The following VDAC1 variants were observed in gnomAD, a reference collection of about 807,000 sequenced individuals.
The protein encoded by VDAC1 is non-selective voltage-gated ion channel VDAC1.
A neutral mutation model predicts 34.7 loss-of-function variants in VDAC1; 10 were observed. The observed-to-expected ratio is 0.29, with a 90% CI of 0.18 to 0.49. The LOEUF is 0.49. Ranked by LOEUF, VDAC1 falls within the 20% of genes least tolerant of loss-of-function variation. The pLI, the probability that VDAC1 is intolerant of heterozygous loss-of-function variation, is 0.99. For synonymous variants in VDAC1, 130 were observed against 136.0 expected (o/e 0.96, Z 0.30); for missense variants, 230 against 347.9 (o/e 0.66, Z 2.69).
the VDAC1 span, among the ~76,000 whole-genome samples, chr5:134,027,963 G>T: frequency 5.9e-4 from 90 of 151,602 alleles, no homozygotes; most frequent in African/African-American, 1.9e-3. Flanking sequence ...TACAGACAGG[G>T]TTTCACCATG....
At chr5:133,972,885 G>A (rs1328668285) in intron 8 of VDAC1, 23 bp from the exon 9 acceptor site, 4 of 1,572,624 alleles carry the variant, frequency 2.5e-6, no homozygotes, top group East Asian at 4.5e-5. Context: ...AAATGAGGGA[G>A]AGGAAAGGAG....
the VDAC1 span, among the ~76,000 whole-genome samples, chr5:134,015,355 C>G: frequency 6.6e-6 from 1 of 152,096 alleles, no homozygotes; most frequent in African/African-American, 2.4e-5. Context: ...CACGTAACCC[C>G]TGAATCTAAA....
At chr5:134,105,825 G>A in the VDAC1 span, among the ~76,000 whole-genome samples, 1 of 152,240 alleles carries the variant, frequency 6.6e-6, no homozygotes, top group Non-Finnish European at 1.5e-5. Flanking sequence ...ATCTGACTTT[G>A]GGAGGTGCCC....
intron 1 of VDAC1, among the ~76,000 whole-genome samples, chr5:133,996,046 A>G (rs1753290837): frequency 6.6e-6 from 1 of 152,176 alleles, no homozygotes; most frequent in South Asian, 2.1e-4. Context: ...GAGCCTCTAG[A>G]GGCTGCGCAT....
At chr5:134,015,703 G>A in the VDAC1 span, among the ~76,000 whole-genome samples, 1 of 151,838 alleles carries the variant, frequency 6.6e-6, no homozygotes, top group Non-Finnish European at 1.5e-5. Context: ...GGAGTGCAAT[G>A]GCACCATCTC....
chr5:133,992,929 C>T lies in VDAC1; in HGVS notation c.67+17G>A, dbSNP rs778071888. 4.5e-5 allele frequency: 73 copies of T among 1,608,294 alleles called. No individual in the cohort carries two copies. The highest frequency in any genetic ancestry group is 5.9e-5 in the Non-Finnish European group (69 of 1,176,758). ...CAGTCTGTGAGCTGAAAGGCACCCC[C>T]TCTCTGCAACACTCACCATAGCCCT... On this transcript the variant is annotated intron_variant, in intron 2 of 8. Transcript: ENST00000265333.
the VDAC1 span, among the ~76,000 whole-genome samples, chr5:134,048,421 C>T: frequency 6.6e-6 from 1 of 152,142 alleles, no homozygotes; most frequent in South Asian, 2.1e-4. Flanking sequence ...TGTGCATTAG[C>T]ACGCCTGGCT....
At chr5:134,055,639 C>T in the VDAC1 span, among the ~76,000 whole-genome samples, 37 of 125,954 alleles carry the variant, frequency 2.9e-4, no homozygotes, top group African/African-American at 7.3e-4. Flanking sequence ...AGGGTTTCAC[C>T]GTGGTCTTGA....
chr5:134,014,600 G>T, the VDAC1 span, among the ~76,000 whole-genome samples: 1 of 152,160 alleles, frequency 6.6e-6, no homozygotes, highest in Admixed American at 6.5e-5. Flanking sequence ...GAGTGCGGTG[G>T]CTCACACCTG....
At chr5:134,077,137 C>A in the VDAC1 span, among the ~76,000 whole-genome samples, 2 of 151,856 alleles carry the variant, frequency 1.3e-5, no homozygotes, top group African/African-American at 4.8e-5. Context: ...ATTAGCCAGG[C>A]GTGGTGGCGT....
chr5:134,037,259 G>T, the VDAC1 span, among the ~76,000 whole-genome samples: 3 of 152,296 alleles, frequency 2.0e-5, no homozygotes, highest in Middle Eastern at 3.4e-3. Context: ...AATGCCCATT[G>T]CTGTCATGTG....
chr5:134,105,132 A>G, the VDAC1 span, among the ~76,000 whole-genome samples: 3 of 152,180 alleles, frequency 2.0e-5, no homozygotes, highest in Non-Finnish European at 4.4e-5. Flanking sequence ...GATGACCATC[A>G]GCAACCCTGA....
chr5:134,030,156 C>T, the VDAC1 span, among the ~76,000 whole-genome samples: 1 of 152,084 alleles, frequency 6.6e-6, no homozygotes, highest in Non-Finnish European at 1.5e-5. Flanking sequence ...GCCTGACCAA[C>T]ATGGAGAAAC....
the VDAC1 span, among the ~76,000 whole-genome samples, chr5:134,069,262 T>A: frequency 6.6e-6 from 1 of 152,138 alleles, no homozygotes; most frequent in South Asian, 2.1e-4. Context: ...TCTCTAAACC[T>A]TATGGTGCAG....
the VDAC1 span, among the ~76,000 whole-genome samples, chr5:134,102,938 C>T: frequency 6.6e-6 from 1 of 151,988 alleles, no homozygotes; most frequent in African/African-American, 2.4e-5. Context: ...CTTTGGTGTT[C>T]AAAGGTGGTC....
chr5:134,075,023 A>G, the VDAC1 span, among the ~76,000 whole-genome samples: 1 of 152,192 alleles, frequency 6.6e-6, no homozygotes, highest in Non-Finnish European at 1.5e-5. Flanking sequence ...GACTCTCAGC[A>G]GGCCACAGAG....
At chr5:134,076,130 C>A in the VDAC1 span, among the ~76,000 whole-genome samples, 4 of 152,234 alleles carry the variant, frequency 2.6e-5, no homozygotes, top group Non-Finnish European at 5.9e-5. Flanking sequence ...TAGGCACATG[C>A]CACCATGTCT....
the VDAC1 span, among the ~76,000 whole-genome samples, chr5:134,090,524 G>T: frequency 1.3e-5 from 2 of 152,244 alleles, no homozygotes; most frequent in South Asian, 4.1e-4. Flanking sequence ...CCACAACCAT[G>T]AAATGCTTTG....
chr5:134,098,226 G>T, the VDAC1 span, among the ~76,000 whole-genome samples: 1 of 149,018 alleles, frequency 6.7e-6, no homozygotes, highest in Non-Finnish European at 1.5e-5. Context: ...ACAGAGTCTT[G>T]CTCTGTCACC....
Sources: allele counts gnomAD v4.1 joint callset (sites outside exome capture counted in the v4.1 genomes callset), GRCh38; gene constraint gnomAD v4.1.1; transcripts MANE v1.5; gene names NCBI Gene and HGNC (gene_info 2026-07-23, HGNC 2026-07-21).